The following ADAMTS17 variants were observed in gnomAD, a reference collection of about 807,000 sequenced individuals.
ADAMTS17 encodes the protein ADAM metallopeptidase with thrombospondin type 1 motif 17, also known as A disintegrin and metalloproteinase with thrombospondin motifs 17.
A neutral mutation model predicts 141.5 loss-of-function variants in ADAMTS17; 113 were observed. That is an observed-to-expected ratio of 0.80 (90% confidence interval 0.69 to 0.93). The LOEUF is 0.93. Ranked by LOEUF, ADAMTS17 falls within the 40% of genes least tolerant of loss-of-function variation. The pLI is 0.00. For missense variants in ADAMTS17, 1,659 were observed against 1,517.9 expected, an observed-to-expected ratio of 1.09 and a Z score of -1.54; for synonymous variants, 768 against 630.6, an observed-to-expected ratio of 1.22 and a Z score of -3.27.
chr15:100,246,954 G>A (rs2043007860), intron 7 of ADAMTS17, among the ~76,000 whole-genome samples: 1 of 151,974 alleles, frequency 6.6e-6, no homozygotes, highest in African/African-American at 2.4e-5. Context: ...CACAATCTCG[G>A]CTCACTGCAA....
chr15:100,152,826 TC>T, intron 9 of ADAMTS17, 64 bp from the exon 10 acceptor site: 4 of 1,498,068 alleles, frequency 2.7e-6, no homozygotes, highest in South Asian at 2.4e-5. Context: ...GTTTTCTTTT[TC>T]TTTTTTTTTT....
chr15:100,197,828 A>T (rs1567336041), intron 8 of ADAMTS17, among the ~76,000 whole-genome samples: 2 of 152,212 alleles, frequency 1.3e-5, no homozygotes, highest in Non-Finnish European at 2.9e-5. Context: ...CAAAACAACA[A>T]CAAAAACATG....
intron 13 of ADAMTS17, among the ~76,000 whole-genome samples, chr15:100,110,207 G>C (rs1303564171): frequency 7.1e-6 from 1 of 141,312 alleles, no homozygotes; most frequent in African/African-American, 2.6e-5. Flanking sequence ...ATATATATCA[G>C]TATATATATA....
intron 7 of ADAMTS17, among the ~76,000 whole-genome samples, chr15:100,242,651 T>A (rs1374710947): frequency 6.6e-6 from 1 of 152,192 alleles, no homozygotes; most frequent in East Asian, 1.9e-4. Context: ...TTGTGTCTCA[T>A]CACTCCTCCC....
At position 100,051,712 on chromosome 15, in the gene ADAMTS17, T is replaced by C. The variant is rs767979870; in HGVS notation, c.2315A>G (p.Gln772Arg). 1.9e-6 allele frequency: 3 copies of C among 1,614,096 alleles called. No homozygotes were observed. The highest frequency in any genetic ancestry group is 2.7e-5 in the African/African-American group (2 of 74,938). ...LHLMVLLFHD[Q>R]DYGIHYEYTV... ...GTATTCATAATGAATTCCATAATCT[T>C]GGTCGTGAAATAACAACACCTGGAT... The change falls in exon 17 of 22, where the codon CAA (glutamine) becomes CGA (arginine). Residue 772 changes from glutamine (Q) to arginine (R), a missense_variant. Gln to Arg is a conservative substitution (Grantham distance 43). Coordinates refer to ENST00000268070, the MANE Select transcript of ADAMTS17 (RefSeq NM_139057.4).
At chr15:100,108,109 G>A (rs1206177997) in intron 14 of ADAMTS17, among the ~76,000 whole-genome samples, 1 of 152,100 alleles carries the variant, frequency 6.6e-6, no homozygotes, top group African/African-American at 2.4e-5. Context: ...GGCTACAGGT[G>A]GCCCTCAGCT....
intron 8 of ADAMTS17, among the ~76,000 whole-genome samples, chr15:100,192,039 T>A (rs2040937780): frequency 6.6e-6 from 1 of 152,112 alleles, no homozygotes; most frequent in Non-Finnish European, 1.5e-5. Flanking sequence ...CCATAAAAAT[T>A]AAAAATAAAT....
At chr15:100,227,352 T>C (rs1385969066) in intron 7 of ADAMTS17, among the ~76,000 whole-genome samples, 6 of 99,134 alleles carry the variant, frequency 6.1e-5, no homozygotes, top group South Asian at 3.3e-4. Context: ...AAATCCTCAC[T>C]ACCCCCTCCA....
At chr15:100,051,806 A>C in intron 16 of ADAMTS17, 75 bp from the exon 17 acceptor site, 3 of 1,578,776 alleles carry the variant, frequency 1.9e-6, no homozygotes, top group Non-Finnish European at 2.6e-6. Context: ...CTGCACACAC[A>C]GGCACACTGC....
chr15:100,195,407 C>T (rs962366943), intron 8 of ADAMTS17, among the ~76,000 whole-genome samples: 9 of 152,170 alleles, frequency 5.9e-5, no homozygotes, highest in African/African-American at 2.2e-4. Flanking sequence ...ATAGGAGAGG[C>T]AGGATCTGTG....
Position 100,160,606 on chromosome 15 carries a change from G to A in ADAMTS17, c.1182-5286C>T, listed in dbSNP as rs576393756. On this transcript the variant is annotated intron_variant, in intron 8 of 21. Coordinates refer to ENST00000268070, the MANE Select transcript of ADAMTS17 (RefSeq NM_139057.4). ...GTTACAAAAGCGCTTGGAAAAGATG[G>A]CTGTGCTGTTGGCAACTCCATATTC... Among the ~76,000 whole-genome samples the A allele has an allele frequency of 1.7e-3, 265 of 152,318 alleles. 2 individuals carry two copies. Among genetic ancestry groups the A allele is most frequent in the African/African-American group, 5.9e-3 (245 of 41,568 alleles).
chr15:100,097,243 T>C (rs2035818529), intron 14 of ADAMTS17, among the ~76,000 whole-genome samples: 1 of 152,248 alleles, frequency 6.6e-6, no homozygotes, highest in South Asian at 2.1e-4. Context: ...AATTATTTAC[T>C]AGCCACATTG....
At chr15:100,126,805 G>A (rs543035626) in intron 12 of ADAMTS17, among the ~76,000 whole-genome samples, 3 of 152,352 alleles carry the variant, frequency 2.0e-5, no homozygotes, top group Admixed American at 6.5e-5. Context: ...ACGGAAGGCA[G>A]CATGGTGTCC....
intron 10 of ADAMTS17, among the ~76,000 whole-genome samples, chr15:100,139,104 C>A (rs770817812): frequency 6.6e-6 from 1 of 151,068 alleles, no homozygotes; most frequent in South Asian, 2.1e-4. Flanking sequence ...GAAAAGCCAA[C>A]GAAAAATATA....
chr15:100,028,685 C>T (rs1192781663), intron 18 of ADAMTS17, among the ~76,000 whole-genome samples: 1 of 152,220 alleles, frequency 6.6e-6, no homozygotes, highest in Non-Finnish European at 1.5e-5. Flanking sequence ...TGCTGCAGGT[C>T]CCCTGCTGGC....
intron 8 of ADAMTS17, among the ~76,000 whole-genome samples, chr15:100,186,179 C>A (rs2040709699): frequency 6.6e-6 from 1 of 152,160 alleles, no homozygotes; most frequent in South Asian, 2.1e-4. Flanking sequence ...GGCAGTGATA[C>A]TGTCATTAAG....
intron 14 of ADAMTS17, among the ~76,000 whole-genome samples, chr15:100,099,719 G>T (rs139676435): frequency 6.6e-6 from 1 of 152,078 alleles, no homozygotes; most frequent in East Asian, 1.9e-4. Flanking sequence ...AATGTCCCAC[G>T]GCATAATTAA....
intron 15 of ADAMTS17, 56 bp from the exon 16 acceptor site, chr15:100,054,110 C>T: frequency 6.2e-7 from 1 of 1,607,812 alleles, no homozygotes; most frequent in Non-Finnish European, 8.5e-7. Context: ...GGGGATCCAG[C>T]CTGTCTTTAA....
chr15:100,054,147 C>T, intron 15 of ADAMTS17, 93 bp from the exon 16 acceptor site: 1 of 1,444,992 alleles, frequency 6.9e-7, no homozygotes, highest in East Asian at 2.3e-5. Context: ...CTGAGTGGGG[C>T]AGAGGTCTCC....
Sources: allele counts gnomAD v4.1 joint callset (sites outside exome capture counted in the v4.1 genomes callset), GRCh38; gene constraint gnomAD v4.1.1; transcripts MANE v1.5; gene names NCBI Gene and HGNC (gene_info 2026-07-23, HGNC 2026-07-21).